The following ABR variants were observed in gnomAD, a reference collection of about 807,000 sequenced individuals.
The protein encoded by ABR is active breakpoint cluster region-related protein.
In ABR, 35 loss-of-function variants were observed where a neutral mutation model predicts 107.2. That is an observed-to-expected ratio of 0.33 (90% confidence interval 0.25 to 0.43). The LOEUF is 0.43. Among genes scored for constraint, ABR ranks in the 20% least tolerant of loss-of-function variants. The pLI, the probability that ABR is intolerant of heterozygous loss-of-function variation, is 1.00. For missense variants in ABR, 815 were observed against 1,115.2 expected (o/e 0.73, Z 3.83); for synonymous variants, 498 against 462.0 (o/e 1.08, Z -1.00).
At chr17:1,018,387 T>C (rs1242010882) in intron 16 of ABR, among the ~76,000 whole-genome samples, 2 of 152,226 alleles carry the variant, frequency 1.3e-5, no homozygotes, top group African/African-American at 4.8e-5. Context: ...TATGTATTTA[T>C]GGGGCGCAGT....
At chr17:1,213,051 A>C (rs946773409) in intron 1 of ABR, among the ~76,000 whole-genome samples, 1 of 152,188 alleles carries the variant, frequency 6.6e-6, no homozygotes, top group African/African-American at 2.4e-5. Context: ...ATCAGAGTCA[A>C]CCCATCTAAC....
intron 16 of ABR, among the ~76,000 whole-genome samples, chr17:1,022,167 G>A (rs970709473): frequency 2.6e-5 from 4 of 150,978 alleles, no homozygotes; most frequent in African/African-American, 4.9e-5. Flanking sequence ...AGTGGCCCCC[G>A]GACAGGGAAC....
intron 1 of ABR, among the ~76,000 whole-genome samples, chr17:1,193,888 G>A (rs1451147826): frequency 1.5e-4 from 23 of 151,872 alleles, no homozygotes; most frequent in East Asian, 1.9e-4. Flanking sequence ...TAGAGACGGG[G>A]TTTCACCGTG....
Position 1,070,941 on chromosome 17 carries a change from T to C in ABR, c.895-851A>G, listed in dbSNP as rs2151176231. Among the ~76,000 whole-genome samples, 1 of 152,212 alleles carries C rather than the reference T, an allele frequency of 6.6e-6. No homozygotes were observed. Among genetic ancestry groups the C allele is most frequent in the East Asian group, 1.9e-4 (1 of 5,182 alleles). On this transcript the variant is annotated intron_variant, in intron 8 of 22. Coordinates refer to ENST00000302538, the MANE Select transcript of ABR (RefSeq NM_021962.5). This position sits in a 1 kb window ranked among gnomAD's most constrained non-coding sequence, Gnocchi z 4.2. ...AATTTGGGAGGCTGAGGCGGGTGGA[T>C]CACCTGAGGTCAGGAGTTTGAGACC... is the stretch of plus-strand genomic sequence containing the variant.
chr17:1,223,745 A>T (rs1300561436), intron 1 of ABR, among the ~76,000 whole-genome samples: 1 of 152,118 alleles, frequency 6.6e-6, no homozygotes, highest in Non-Finnish European at 1.5e-5. Flanking sequence ...AGGAAAAGCA[A>T]CCACCTTCTT....
Position 1,005,894 on chromosome 17 carries a change from G to A in ABR, c.*186C>T, listed in dbSNP as rs2069987059. 1 of 633,052 alleles carries A rather than the reference G, an allele frequency of 1.6e-6. No individual in the cohort carries two copies. Among genetic ancestry groups the A allele is most frequent in the Non-Finnish European group, 2.8e-6 (1 of 353,582 alleles). The allele number at this position is 633,052 out of a possible 1,614,324, so 39.2% of individuals were successfully genotyped here. On this transcript the variant is annotated 3_prime_UTR_variant, in exon 23 of 23. Coordinates refer to ENST00000302538, the MANE Select transcript of ABR (RefSeq NM_021962.5). The stretch of plus-strand genomic sequence containing the variant: ...AGGTGGGATGCGGTGGTGAGGCTGG[G>A]GCTGGGCAGCCGGCTTTGTACAAGG...
At chr17:1,165,098 C>T (rs979889584) in intron 1 of ABR, among the ~76,000 whole-genome samples, 2 of 152,194 alleles carry the variant, frequency 1.3e-5, no homozygotes, top group African/African-American at 4.8e-5. Context: ...CTCACTAGAG[C>T]ATAAATAACT....
upstream of ABR, among the ~76,000 whole-genome samples, chr17:1,190,444 G>A (rs2042407254): frequency 6.6e-6 from 1 of 152,200 alleles, no homozygotes; most frequent in Non-Finnish European, 1.5e-5. Context: ...GACCAGCCTG[G>A]CCAACAAGGT....
intron 16 of ABR, among the ~76,000 whole-genome samples, chr17:1,018,165 C>A (rs930253205): frequency 1.3e-5 from 2 of 152,122 alleles, no homozygotes; most frequent in Non-Finnish European, 2.9e-5. Flanking sequence ...GCCTCAGCCT[C>A]CTGAGTAGCT....
At chr17:1,094,823 T>C (rs771095325) in intron 3 of ABR, among the ~76,000 whole-genome samples, 2 of 151,912 alleles carry the variant, frequency 1.3e-5, no homozygotes, top group Non-Finnish European at 2.9e-5. Flanking sequence ...TACCAGGTCC[T>C]TGGAGAGCTG....
intron 2 of ABR, among the ~76,000 whole-genome samples, chr17:1,118,258 C>T (rs575275213): frequency 1.1e-5 from 1 of 90,624 alleles, no homozygotes; most frequent in Non-Finnish European, 2.3e-5. Flanking sequence ...TTCCTCCCAG[C>T]GTTATCCCTG....
chr17:1,075,638 G>C (rs936870956), intron 6 of ABR, among the ~76,000 whole-genome samples: 3 of 152,194 alleles, frequency 2.0e-5, no homozygotes, highest in Non-Finnish European at 4.4e-5. Context: ...AAGACCACAA[G>C]GGCCATCAGC....
chr17:1,140,227 G>C (rs540015288), intron 1 of ABR, among the ~76,000 whole-genome samples: 3 of 152,258 alleles, frequency 2.0e-5, no homozygotes, highest in African/African-American at 7.2e-5. Flanking sequence ...GGCCACAGCA[G>C]GGTCCTCTGG....
intron 10 of ABR, among the ~76,000 whole-genome samples, chr17:1,061,826 T>G (rs1000916563): frequency 6.6e-6 from 1 of 152,156 alleles, no homozygotes; most frequent in Admixed American, 6.6e-5. Flanking sequence ...GGATTACCGG[T>G]GTAAACCACC....
chr17:1,136,761 T>G (rs2040082108), intron 1 of ABR, among the ~76,000 whole-genome samples: 1 of 152,174 alleles, frequency 6.6e-6, no homozygotes, highest in Admixed American at 6.5e-5. Flanking sequence ...AGGGCCTTGC[T>G]CTGGATTGGG....
chr17:1,153,221 A>G (rs1339038755), intron 1 of ABR, among the ~76,000 whole-genome samples: 1 of 151,910 alleles, frequency 6.6e-6, no homozygotes, highest in East Asian at 1.9e-4. Context: ...CCCTTCCCCC[A>G]CAACTAGGCA....
At position 1,099,787 on chromosome 17, in the gene ABR, G is replaced by A. The variant is rs1597804645; in HGVS notation, c.345+850C>T. ...GGGAGGGGAACTGAGGCATGTTACC[G>A]AGGGCTGAGCTTGGCCTGATGCCTC... On this transcript the variant is annotated intron_variant, in intron 3 of 22. Transcript: ENST00000302538. Among the ~76,000 whole-genome samples, 7 of 152,114 alleles carry A rather than the reference G, an allele frequency of 4.6e-5. No individual in the cohort carries two copies. The East Asian group carries it at 5.8e-4, about 13-fold the overall frequency.
At chr17:1,220,289 TAA>T (rs201048012) in intron 1 of ABR, among the ~76,000 whole-genome samples, 33,097 of 146,184 alleles carry the variant, frequency 0.23, 3,774 homozygotes, top group Middle Eastern at 0.25. Flanking sequence ...AGACTCCGTC[TAA>T]AAAAAAAAAA....
At position 1,027,976 on chromosome 17, in the gene ABR, T is replaced by C. The variant is rs9912878; in HGVS notation, c.1792-14812A>G. On this transcript the variant is annotated intron_variant, in intron 16 of 22. Coordinates refer to ENST00000302538, the MANE Select transcript of ABR (RefSeq NM_021962.5). This position sits in a 1 kb window ranked among gnomAD's most constrained non-coding sequence, Gnocchi z 4.7. ...GGCCAAGTGAGTGGTAGAGTGAACCTCTGGGGTGTGCACGTGGTCTGCACA... is the reference window on the plus strand; with the variant it reads ...GGCCAAGTGAGTGGTAGAGTGAACCCCTGGGGTGTGCACGTGGTCTGCACA... Among the ~76,000 whole-genome samples the C allele has an allele frequency of 6.6e-6, 1 of 151,854 alleles. No individual in the cohort carries two copies. Among genetic ancestry groups the C allele is most frequent in the Non-Finnish European group, 1.5e-5 (1 of 67,984 alleles).
Sources: gnomAD v4.1 joint callset for allele counts (sites outside exome capture counted in the v4.1 genomes callset) on GRCh38, gnomAD v4.1.1 for gene constraint, Gnocchi (gnomAD v3.1) non-coding constraint, MANE v1.5 for transcripts, NCBI Gene and HGNC (gene_info 2026-07-23, HGNC 2026-07-21) for gene names.